The following NEK6 variants were observed in gnomAD, a reference collection of about 807,000 sequenced individuals.
NEK6 encodes the protein NIMA related kinase 6.
In NEK6, 27 loss-of-function variants were observed where a neutral mutation model predicts 43.5. The observed-to-expected ratio is 0.62, with a 90% CI of 0.46 to 0.86. The LOEUF is 0.86. Among genes scored for constraint, NEK6 ranks in the 40% least tolerant of loss-of-function variants. NEK6 has a pLI of 0.00. For synonymous variants in NEK6, 167 were observed against 164.1 expected (o/e 1.02, Z -0.14); for missense variants, 318 against 414.4 (o/e 0.77, Z 2.02).
At chr9:124,344,036 C>G (rs80240181) in intron 8 of NEK6, among the ~76,000 whole-genome samples, 5,289 of 152,294 alleles carry the variant, frequency 0.035, 144 homozygotes, top group South Asian at 0.065. Context: ...GGGGGCGAAT[C>G]TGTTTCCTTA....
At chr9:124,321,760 C>T (rs941833142) in intron 5 of NEK6, among the ~76,000 whole-genome samples, 191 bp downstream of exon 5, 3 of 152,226 alleles carry the variant, frequency 2.0e-5, no homozygotes, top group East Asian at 3.9e-4. Context: ...AGGGTCCGTC[C>T]CCAGCTGCTG....
chr9:124,337,645 T>C (rs1564658025), intron 7 of NEK6, among the ~76,000 whole-genome samples: 2 of 152,216 alleles, frequency 1.3e-5, no homozygotes, highest in South Asian at 2.1e-4. Context: ...CAGACCACAG[T>C]TTATCAATTG....
chr9:124,261,667 C>T (rs910436039), intron 1 of NEK6: 2 of 830,066 alleles, frequency 2.4e-6, no homozygotes, highest in African/African-American at 1.9e-5. Context: ...GCTTCTACTA[C>T]ATGTGCTTGA....
At chr9:124,320,271 T>G (rs77242531) in intron 4 of NEK6, among the ~76,000 whole-genome samples, 20 of 152,194 alleles carry the variant, frequency 1.3e-4, no homozygotes, top group Admixed American at 7.2e-4. Flanking sequence ...GGTGAGAGGA[T>G]GGACGCATGG....
intron 2 of NEK6, among the ~76,000 whole-genome samples, chr9:124,307,104 T>G (rs1417252110): frequency 6.7e-6 from 1 of 149,816 alleles, no homozygotes; most frequent in Non-Finnish European, 1.5e-5. Context: ...TTTTATTCTT[T>G]TAGCATGTAA....
rs932646213 is a variant in NEK6 at position 124,273,946 on chromosome 9, G to GC, written c.-30+15868dup. 1.1e-4 allele frequency among the ~76,000 whole-genome samples: 17 copies of GC among 152,128 alleles called. No individual in the cohort carries two copies. The East Asian group carries it at 3.1e-3, about 28-fold the overall frequency. On this transcript the variant is annotated intron_variant, in intron 1 of 9. Transcript: ENST00000320246. ...CAGCAACACTTTCCTTCCCCACATG[G>GC]CCCCCCCATTCCGTCTTGCCTCATA...
At position 124,326,202 on chromosome 9, in the gene NEK6, T is replaced by TCACCCC; in HGVS notation, c.406-127_406-126insACCCCC. The TCACCCC allele has an allele frequency of 2.4e-5, 3 of 124,052 alleles. No homozygotes were observed. The highest frequency in any genetic ancestry group is 4.5e-5 in the African/African-American group (1 of 22,140). The allele number at this position is 124,052 out of a possible 1,614,324, so 7.7% of individuals were successfully genotyped here. On this transcript the variant is annotated intron_variant, in intron 5 of 9. Coordinates refer to ENST00000320246, the MANE Select transcript of NEK6 (RefSeq NM_014397.6). This position sits in a 1 kb window ranked among gnomAD's most constrained non-coding sequence, Gnocchi z 4.5. ...GCTTATTGTTTGCTCAGTGGCTCAATCCCCCCCCCCCGCCCCTGCCAGGCA... is the reference window on the plus strand; with the variant it reads ...GCTTATTGTTTGCTCAGTGGCTCAATCACCCCCCCCCCCCCCCGCCCCTGCCAGGCA...
At position 124,258,075 on chromosome 9, in the gene NEK6, C is replaced by T; in HGVS notation, c.-40C>T. 1 of 979,316 alleles carries T rather than the reference C, an allele frequency of 1.0e-6. No homozygotes were observed. Among genetic ancestry groups the T allele is most frequent in the Non-Finnish European group, 1.2e-6 (1 of 827,608 alleles). 60.7% of individuals were successfully genotyped at this position (979,316 alleles called of 1,614,324 possible). A position where few individuals can be genotyped will look rare whatever the true frequency, so the allele number is the denominator to read the frequency against. On this transcript the variant is annotated 5_prime_UTR_variant, in exon 1 of 10. Transcript: ENST00000320246. ...GGTCCCCCAGCGGCAGCCGAGCCCG[C>T]CCGCGCGCCGGTGAGTCGCCTGGGG...
intron 2 of NEK6, among the ~76,000 whole-genome samples, chr9:124,305,033 TG>T (rs1564634238): frequency 6.6e-6 from 1 of 152,240 alleles, no homozygotes. Flanking sequence ...TATTCTTGCC[TG>T]AGAAAGCCCC....
At chr9:124,311,067 G>A (rs1833502150) in intron 2 of NEK6, among the ~76,000 whole-genome samples, 1 of 152,214 alleles carries the variant, frequency 6.6e-6, no homozygotes, top group Admixed American at 6.5e-5. Flanking sequence ...CAGGAGACGT[G>A]CCCCTGCTCC....
rs770363217 is a variant in NEK6 at position 124,312,665 on chromosome 9, G to A, written c.231+16G>A. The A allele has an allele frequency of 1.5e-5, 24 of 1,606,566 alleles. No individual in the cohort carries two copies. Among genetic ancestry groups the A allele is most frequent in the Admixed American group, 1.2e-4 (7 of 59,762 alleles). ...GAAGGTGCAGGTGAGCTGACAACCC[G>A]TGGGGTCAAACCTGCATCTCGGGAG... On this transcript the variant is annotated intron_variant, in intron 3 of 9. Coordinates refer to ENST00000320246, the MANE Select transcript of NEK6 (RefSeq NM_014397.6).
chr9:124,267,808 C>T (rs1831284592), intron 1 of NEK6, among the ~76,000 whole-genome samples: 7 of 152,238 alleles, frequency 4.6e-5, no homozygotes, highest in Admixed American at 6.5e-5. Flanking sequence ...GTCCCTGCCC[C>T]GTCTTCCTGG....
intron 2 of NEK6, among the ~76,000 whole-genome samples, 161 bp from the exon 3 acceptor site, chr9:124,312,348 G>T (rs773285063): frequency 1.3e-5 from 2 of 152,120 alleles, no homozygotes; most frequent in African/African-American, 4.8e-5. Flanking sequence ...TGTGCAGAAA[G>T]CCCCCTGGGG....
chr9:124,269,715 C>T (rs1257417230), intron 1 of NEK6, among the ~76,000 whole-genome samples: 6 of 152,108 alleles, frequency 3.9e-5, no homozygotes, highest in East Asian at 1.9e-4. Flanking sequence ...GGCAGGGAGT[C>T]GTGTGGAAGG....
intron 1 of NEK6, among the ~76,000 whole-genome samples, chr9:124,281,269 C>A (rs1831889914): frequency 6.6e-6 from 1 of 152,080 alleles, no homozygotes; most frequent in African/African-American, 2.4e-5. Flanking sequence ...AGAGGGAGAC[C>A]CCCTTTTTGT....
At chr9:124,296,507 G>T (rs1480042357) in intron 1 of NEK6, among the ~76,000 whole-genome samples, 1 of 152,216 alleles carries the variant, frequency 6.6e-6, no homozygotes, top group Admixed American at 6.5e-5. Context: ...AACGAGCCTG[G>T]TGGACATTAG....
At chr9:124,345,190 C>A (rs1040985301) in intron 8 of NEK6, among the ~76,000 whole-genome samples, 2 of 152,216 alleles carry the variant, frequency 1.3e-5, no homozygotes, top group Non-Finnish European at 2.9e-5. Flanking sequence ...CTCGGCAGTT[C>A]TAACGAGGCC....
At chr9:124,299,512 C>G (rs1832851920) in intron 1 of NEK6, among the ~76,000 whole-genome samples, 1 of 152,206 alleles carries the variant, frequency 6.6e-6, no homozygotes, top group Non-Finnish European at 1.5e-5. Context: ...TCCCCTGTGT[C>G]ACCTTGGGAT....
intron 1 of NEK6, among the ~76,000 whole-genome samples, chr9:124,296,818 A>C (rs1832712526): frequency 6.6e-6 from 1 of 152,196 alleles, no homozygotes. Flanking sequence ...CACAGGAATG[A>C]CTTCCCCCTA....
Sources: gnomAD v4.1 joint callset for allele counts (sites outside exome capture counted in the v4.1 genomes callset) on GRCh38, gnomAD v4.1.1 for gene constraint, Gnocchi (gnomAD v3.1) non-coding constraint, MANE v1.5 for transcripts, NCBI Gene and HGNC (gene_info 2026-07-23, HGNC 2026-07-21) for gene names.